Variants in PPP6R1 observed in about 807,000 individuals in gnomAD.
PPP6R1 encodes the protein protein phosphatase 6 regulatory subunit 1.
In PPP6R1, 39 loss-of-function variants were observed where a neutral mutation model predicts 104.6. The observed-to-expected ratio is 0.37, with a 90% CI of 0.29 to 0.49. The LOEUF (loss-of-function observed/expected upper bound fraction) is 0.49, where lower values mean the gene tolerates loss of function less well. PPP6R1 is among the 20% of genes least tolerant of loss of function. The pLI, the probability that PPP6R1 is intolerant of heterozygous loss-of-function variation, is 0.98. For missense variants in PPP6R1, 1,181 were observed against 1,155.8 expected (o/e 1.02, Z -0.32); for synonymous variants, 549 against 479.0 (o/e 1.15, Z -1.91).
chr19:55,240,474 CAA>C (rs2087442775), intron 10 of PPP6R1, among the ~76,000 whole-genome samples, 174 bp from the exon 11 acceptor site: 1 of 151,768 alleles, frequency 6.6e-6, no homozygotes, highest in East Asian at 1.9e-4. Context: ...GGCATCCACC[CAA>C]GTCTCTCTGG....
Position 55,236,783 on chromosome 19 carries a change from G to T in PPP6R1, c.1848C>A (p.Arg616=), listed in dbSNP as rs1171746805. 6.2e-7 allele frequency: 1 copy of T among 1,613,998 alleles called. No homozygotes were observed. The highest frequency in any genetic ancestry group is 8.5e-7 in the Non-Finnish European group (1 of 1,179,866). ...CCTCATCATCATCAAACTGCTGGAT[G>T]CGGTCCTTGTAGCATATCTCAAGTA... ...ANLLEICYKD[R]IQQFDDDEEE... The change falls in exon 17 of 24, where the codon CGC becomes CGA. Residue 616 remains arginine, a synonymous_variant. Transcript: ENST00000412770.
At chr19:55,239,187 G>A (rs1600107598) in intron 15 of PPP6R1, 3 of 578,714 alleles carry the variant, frequency 5.2e-6, no homozygotes, top group Non-Finnish European at 9.3e-6. Flanking sequence ...GCCTCTCGGA[G>A]AGAAGAGACT....
intron 1 of PPP6R1, among the ~76,000 whole-genome samples, chr19:55,256,452 C>A (rs1200240040): frequency 1.3e-5 from 2 of 152,268 alleles, no homozygotes; most frequent in African/African-American, 4.8e-5. Context: ...CGCCAATCGT[C>A]CCCCAGGGGA....
At chr19:55,248,787 G>A (rs759980098) in intron 1 of PPP6R1, among the ~76,000 whole-genome samples, 3 of 152,224 alleles carry the variant, frequency 2.0e-5, no homozygotes, top group Admixed American at 6.5e-5. Flanking sequence ...AGAGCAGCCT[G>A]GGCTGACAAA....
intron 15 of PPP6R1, 63 bp from the exon 16 acceptor site, chr19:55,237,033 G>A (rs2087406365): frequency 6.7e-7 from 1 of 1,487,798 alleles, no homozygotes. Context: ...CACAGGACAG[G>A]CCACATTTCT....
At chr19:55,231,371 A>AC (rs1193213027) in intron 21 of PPP6R1, 39 bp downstream of exon 21, 3 of 1,535,388 alleles carry the variant, frequency 2.0e-6, no homozygotes, top group Non-Finnish European at 2.6e-6. Flanking sequence ...AGGAGAAAAG[A>AC]CTTCTCCCGA....
intron 1 of PPP6R1, among the ~76,000 whole-genome samples, chr19:55,249,519 G>A (rs1375333704): frequency 2.0e-5 from 3 of 152,032 alleles, no homozygotes; most frequent in Non-Finnish European, 2.9e-5. Flanking sequence ...GGGATTACAG[G>A]CATGAGCCAC....
At chr19:55,246,782 G>T in intron 2 of PPP6R1, 95 bp downstream of exon 2, 1 of 1,182,148 alleles carries the variant, frequency 8.5e-7, no homozygotes, top group Non-Finnish European at 1.2e-6. Context: ...GGAGTTTACT[G>T]ACACTGACGC....
Position 55,241,039 on chromosome 19 carries a change from G to A in PPP6R1, c.1202C>T (p.Ala401Val). ...GGTGCTCACGCATCCCTCTACTTGG[G>A]CATGCAAGAAGTTGTTGAAGACATA... is the stretch of plus-strand genomic sequence containing the variant. ...FHYVFNNFLH[A>V]QVEGCVSTML... Residue 401 changes from alanine to valine, a missense_variant, in exon 10 of 24, where the codon GCC becomes GTC. Physicochemically the swap from Ala to Val is moderately conservative, Grantham distance 64 (BLOSUM62 0). Transcript: ENST00000412770. The surrounding 1 kb of genome is among the most constrained non-coding windows in gnomAD (Gnocchi z 5.4). 2 of 1,563,120 alleles carry A rather than the reference G, an allele frequency of 1.3e-6. No individual in the cohort carries two copies. Among genetic ancestry groups the A allele is most frequent in the Non-Finnish European group, 1.7e-6 (2 of 1,153,786 alleles).
At chr19:55,242,085 G>T in intron 7 of PPP6R1, 81 bp downstream of exon 7, 1 of 1,347,794 alleles carries the variant, frequency 7.4e-7, no homozygotes, top group South Asian at 1.2e-5. Context: ...TTCTCTTGGT[G>T]GACACCGAGA....
At chr19:55,228,250 G>T, downstream of PPP6R1, 1 of 1,612,620 alleles carries the variant, frequency 6.2e-7, no homozygotes, top group Non-Finnish European at 8.5e-7. Flanking sequence ...GCACACAAGG[G>T]CTCCCTGGAG....
chr19:55,254,167 C>T (rs1380497556), intron 1 of PPP6R1, among the ~76,000 whole-genome samples: 3 of 152,228 alleles, frequency 2.0e-5, no homozygotes, highest in Non-Finnish European at 4.4e-5. Flanking sequence ...TCGGATACTA[C>T]GGCAGGCGCC....
chr19:55,239,053 G>A (rs1395281158), intron 15 of PPP6R1: 3 of 292,762 alleles, frequency 1.0e-5, no homozygotes, highest in Non-Finnish European at 2.0e-5. Flanking sequence ...CCTGCGCCAG[G>A]ACTGCTGGTC....
chr19:55,240,322 T>A, intron 10 of PPP6R1, 22 bp from the exon 11 acceptor site: 1 of 1,576,256 alleles, frequency 6.3e-7, no homozygotes, highest in South Asian at 1.2e-5. Flanking sequence ...CGGGACAGGA[T>A]GGCCTGGAGG....
intron 5 of PPP6R1, among the ~76,000 whole-genome samples, chr19:55,244,861 AGC>A (rs1350160005): frequency 6.6e-6 from 1 of 151,492 alleles, no homozygotes; most frequent in Non-Finnish European, 1.5e-5. Flanking sequence ...CTCCTACCTG[AGC>A]TTCCCAAGTA....
chr19:55,240,423 G>A (rs7251259), intron 10 of PPP6R1, 123 bp from the exon 11 acceptor site: 29,848 of 986,138 alleles, frequency 0.03, 884 homozygotes, highest in African/African-American at 0.11. Context: ...ATCCAGAGAC[G>A]GGGATGGGAA....
intron 21 of PPP6R1, 67 bp from the exon 22 acceptor site, chr19:55,230,951 C>A (rs1178198382): frequency 2.2e-6 from 3 of 1,340,766 alleles, no homozygotes; most frequent in Middle Eastern, 2.5e-4. Flanking sequence ...ACCCTCACAT[C>A]CCACCCGACT....
intron 15 of PPP6R1, 134 bp downstream of exon 15, chr19:55,239,271 C>T (rs1317574981): frequency 1.4e-5 from 12 of 849,912 alleles, no homozygotes; most frequent in Non-Finnish European, 1.7e-5. Flanking sequence ...ACGGCCAACG[C>T]GTGCCCAGGA....
At chr19:55,229,561 T>C (rs2087319023), downstream of PPP6R1, 1 of 152,182 alleles carries the variant, frequency 6.6e-6, no homozygotes, top group Admixed American at 6.5e-5. Context: ...CGGTGGCTTC[T>C]ATCCTCTGCC....
Sources: gnomAD v4.1 joint callset for allele counts (sites outside exome capture counted in the v4.1 genomes callset) on GRCh38, gnomAD v4.1.1 for gene constraint, Gnocchi (gnomAD v3.1) non-coding constraint, MANE v1.5 for transcripts, NCBI Gene and HGNC (gene_info 2026-07-23, HGNC 2026-07-21) for gene names.